IL1RL2: variants seen among roughly 807,000 people sequenced by gnomAD.
IL1RL2 encodes the protein interleukin-1 receptor-like 2.
IL1RL2 carries 68 observed loss-of-function variants against 66.8 expected under a neutral mutation model. The observed-to-expected ratio is 1.02, with a 90% CI of 0.84 to 1.25. The LOEUF (loss-of-function observed/expected upper bound fraction) is 1.25. IL1RL2 is among the 50% of genes most tolerant of loss of function. The pLI, the probability that IL1RL2 is intolerant of heterozygous loss-of-function variation, is 0.00. For synonymous variants in IL1RL2, 305 were observed against 264.6 expected, an observed-to-expected ratio of 1.15 and a Z score of -1.48; for missense variants, 729 against 709.3, an observed-to-expected ratio of 1.03 and a Z score of -0.32.
rs112584370 is a variant in IL1RL2 at position 102,202,950 on chromosome 2, C to T, written c.649+1235C>T. ...CAGTGTTGACAGTGGGCATCCTCCTCGTGTTCCAGAACTTAGAGGAAAGGC... is the reference window on the plus strand; with the variant it reads ...CAGTGTTGACAGTGGGCATCCTCCTTGTGTTCCAGAACTTAGAGGAAAGGC... On this transcript the variant is annotated intron_variant, in intron 5 of 11. Transcript: ENST00000264257. Among the ~76,000 whole-genome samples the T allele has an allele frequency of 9.5e-4, 145 of 152,292 alleles. 1 individual carries two copies. Among genetic ancestry groups the T allele is most frequent in the African/African-American group, 2.8e-3 (118 of 41,574 alleles).
chr2:102,187,679 G>A (rs1559522002), intron 1 of IL1RL2, among the ~76,000 whole-genome samples, 177 bp from the exon 2 acceptor site: 1 of 152,208 alleles, frequency 6.6e-6, no homozygotes, highest in Non-Finnish European at 1.5e-5. Flanking sequence ...AGACGAAGGA[G>A]ACAGGGGAAG....
chr2:102,224,072 A>G (rs1022875732), intron 8 of IL1RL2, among the ~76,000 whole-genome samples: 10 of 152,214 alleles, frequency 6.6e-5, no homozygotes, highest in Non-Finnish European at 1.5e-4. Context: ...CTTGGGCCTC[A>G]AGATGTTTAC....
downstream of IL1RL2, among the ~76,000 whole-genome samples, chr2:102,242,608 C>T (rs1675256274): frequency 6.6e-6 from 1 of 152,138 alleles, no homozygotes. Context: ...GAGAAGAATT[C>T]CTCCTTCTTC....
At chr2:102,225,815 T>C (rs776625384) in intron 8 of IL1RL2, 83 bp from the exon 9 acceptor site, 131 of 1,046,420 alleles carry the variant, frequency 1.3e-4, no homozygotes, top group Non-Finnish European at 1.6e-4. Flanking sequence ...CATAATGTGA[T>C]CTGTATTAGT....
At chr2:102,196,083 T>C (rs1025738640) in intron 4 of IL1RL2, among the ~76,000 whole-genome samples, 1 of 152,110 alleles carries the variant, frequency 6.6e-6, no homozygotes, top group Non-Finnish European at 1.5e-5. Flanking sequence ...CTTTTCCTTT[T>C]TCTGAAATGT....
chr2:102,196,337 GGGGT>G (rs1687781938), intron 4 of IL1RL2, among the ~76,000 whole-genome samples: 1 of 152,146 alleles, frequency 6.6e-6, no homozygotes, highest in Non-Finnish European at 1.5e-5. Flanking sequence ...GTAAGCAGGA[GGGGT>G]CACCTGATAC....
chr2:102,192,422 T>G (rs1687311732), intron 4 of IL1RL2, among the ~76,000 whole-genome samples: 1 of 152,230 alleles, frequency 6.6e-6, no homozygotes, highest in African/African-American at 2.4e-5. Context: ...ATGCATACTA[T>G]GTGCACATGG....
intron 6 of IL1RL2, among the ~76,000 whole-genome samples, chr2:102,212,826 G>A (rs995116082): frequency 2.0e-5 from 3 of 151,960 alleles, no homozygotes; most frequent in Non-Finnish European, 2.9e-5. Flanking sequence ...AAAATTAGCC[G>A]GGCATGGTGG....
chr2:102,229,340 G>A (rs944560955), intron 9 of IL1RL2, among the ~76,000 whole-genome samples: 1 of 152,188 alleles, frequency 6.6e-6, no homozygotes, highest in African/African-American at 2.4e-5. Context: ...GGAAAATTCA[G>A]ACTGACACAG....
Position 102,201,582 on chromosome 2 carries a change from G to A in IL1RL2, c.516G>A (p.Arg172=), listed in dbSNP as rs531626294. The A allele has an allele frequency of 1.2e-6, 2 of 1,613,920 alleles. No homozygotes were observed. Among genetic ancestry groups the A allele is most frequent in the African/African-American group, 1.3e-5 (1 of 74,906 alleles). The change falls in exon 5 of 12, where the codon CGG becomes CGA. Residue 172 remains arginine (R), a synonymous_variant. Transcript: ENST00000264257. ...YKDCNEIKGE[R]FTVLETRLLV... is the part of the protein sequence containing the mutation. ...ACTGTAACGAGATTAAAGGGGAGCG[G>A]TTCACTGTTTTGGAAACCAGGCTTT... is the stretch of plus-strand genomic sequence containing the variant.
At chr2:102,229,881 C>A (rs984644165) in intron 9 of IL1RL2, among the ~76,000 whole-genome samples, 4 of 152,206 alleles carry the variant, frequency 2.6e-5, no homozygotes, top group African/African-American at 9.7e-5. Flanking sequence ...GTACCTATAT[C>A]CTCAGACACC....
intron 10 of IL1RL2, 33 bp downstream of exon 10, chr2:102,233,157 T>C: frequency 1.3e-6 from 2 of 1,563,100 alleles, no homozygotes; most frequent in Non-Finnish European, 1.7e-6. Flanking sequence ...AAATAACAAA[T>C]AAAAGAAGGA....
At chr2:102,191,810 G>A (rs1687253564) in intron 3 of IL1RL2, 115 bp from the exon 4 acceptor site, 2 of 683,252 alleles carry the variant, frequency 2.9e-6, no homozygotes, top group Admixed American at 6.7e-5. Flanking sequence ...TTTGTTAGAG[G>A]CAGAGGGTTT....
chr2:102,187,830 C>T (rs1274113337), intron 1 of IL1RL2, 26 bp from the exon 2 acceptor site: 1 of 1,595,748 alleles, frequency 6.3e-7, no homozygotes, highest in Non-Finnish European at 8.6e-7. Flanking sequence ...GTCCTCCCCT[C>T]CCACCCTCTT....
At chr2:102,198,872 A>G (rs933990490) in intron 4 of IL1RL2, among the ~76,000 whole-genome samples, 1 of 151,788 alleles carries the variant, frequency 6.6e-6, no homozygotes, top group South Asian at 2.1e-4. Flanking sequence ...CTTTCTTCCA[A>G]TCTCCAGATT....
chr2:102,229,047 G>A (rs1300673979), intron 9 of IL1RL2, among the ~76,000 whole-genome samples: 1 of 152,228 alleles, frequency 6.6e-6, no homozygotes, highest in Non-Finnish European at 1.5e-5. Context: ...TTCAGTAAAA[G>A]CATTTGCGTG....
In IL1RL2 at chr2:102,239,292, G is replaced by A. The variant is rs553901092; in HGVS notation, c.*51G>A. The A allele has an allele frequency of 9.6e-5, 147 of 1,536,432 alleles. 3 individuals carry two copies. In the South Asian group the frequency reaches 1.5e-3, roughly 15 times the overall value. ...TGGAAGATGACTTGTTTTGCTCCATGTCTCCTCATTCCTACACCTATTTTC... is the reference window on the plus strand; with the variant it reads ...TGGAAGATGACTTGTTTTGCTCCATATCTCCTCATTCCTACACCTATTTTC... On this transcript the variant is annotated 3_prime_UTR_variant, in exon 12 of 12. Coordinates refer to ENST00000264257, the MANE Select transcript of IL1RL2 (RefSeq NM_003854.4).
Position 102,239,578 on chromosome 2 carries a change from G to T in IL1RL2, c.*337G>T. ...CATGTCATGGTGGGTGAGATCTGGG[G>T]GTATCCCTGTGTCATGGTGGGTGAG... is the stretch of plus-strand genomic sequence containing the variant. On this transcript the variant is annotated 3_prime_UTR_variant, in exon 12 of 12. Transcript: ENST00000264257. 1 of 293,868 alleles carries T rather than the reference G, an allele frequency of 3.4e-6. No homozygotes were observed. The highest frequency in any genetic ancestry group is 6.9e-6 in the Non-Finnish European group (1 of 145,504). 18.2% of individuals were successfully genotyped at this position (293,868 alleles called of 1,614,324 possible). A position where few individuals can be genotyped will look rare whatever the true frequency, so the allele number is the denominator to read the frequency against.
rs1290633240 is a variant in IL1RL2, at chr2:102,235,174, G to A, written c.1575G>A (p.Lys525=). The change falls in exon 11 of 12, where the codon AAG becomes AAA. Residue 525 remains lysine, a synonymous_variant. Transcript: ENST00000264257. ...TCACGGAGCAGTCACAGTGTATGAAGACCAAGTTTTGGAAGACAGTGAGAT... is the reference window on the plus strand; with the variant it reads ...TCACGGAGCAGTCACAGTGTATGAAAACCAAGTTTTGGAAGACAGTGAGAT... ...GDFTEQSQCM[K]TKFWKTVRYH... The A allele has an allele frequency of 1.2e-6, 2 of 1,614,210 alleles. No individual in the cohort carries two copies. Among genetic ancestry groups the A allele is most frequent in the Non-Finnish European group, 8.5e-7 (1 of 1,180,040 alleles).
Sources: gnomAD v4.1 joint callset for allele counts (sites outside exome capture counted in the v4.1 genomes callset) on GRCh38, gnomAD v4.1.1 for gene constraint, MANE v1.5 for transcripts, NCBI Gene and HGNC (gene_info 2026-07-23, HGNC 2026-07-21) for gene names.